Variants in ERG observed in about 807,000 individuals in gnomAD.
ERG encodes ETS transcription factor ERG.
A neutral mutation model predicts 55.3 loss-of-function variants in ERG; 9 were observed. That is an observed-to-expected ratio of 0.16 (90% confidence interval 0.10 to 0.28). ERG has a LOEUF of 0.28. Among genes scored for constraint, ERG ranks in the 10% least tolerant of loss-of-function variants. The pLI is 1.00. For synonymous variants in ERG, 223 were observed against 237.3 expected, an observed-to-expected ratio of 0.94 and a Z score of 0.55; for missense variants, 434 against 631.6, an observed-to-expected ratio of 0.69 and a Z score of 3.35.
chr21:38,585,104 G>T (rs1295411213), upstream of ERG, among the ~76,000 whole-genome samples: 1 of 152,122 alleles, frequency 6.6e-6, no homozygotes, highest in African/African-American at 2.4e-5. Flanking sequence ...AAAAAGAGGG[G>T]ACAACATTCC....
At chr21:38,599,282 A>C (rs2146907939) in intron 1 of ERG, among the ~76,000 whole-genome samples, 1 of 152,124 alleles carries the variant, frequency 6.6e-6, no homozygotes, top group East Asian at 1.9e-4. Flanking sequence ...GCCCTGACAG[A>C]AAGAGGCTGG....
chr21:38,516,359 C>T (rs146982551), intron 2 of ERG, among the ~76,000 whole-genome samples: 336 of 151,660 alleles, frequency 2.2e-3, no homozygotes, highest in African/African-American at 7.7e-3. Context: ...GAAGAAAATC[C>T]CATTTACAAT....
intron 2 of ERG, among the ~76,000 whole-genome samples, chr21:38,566,377 G>A (rs751646081): frequency 2.0e-5 from 3 of 152,274 alleles, no homozygotes; most frequent in African/African-American, 4.8e-5. Context: ...GTCCTACAAC[G>A]AGGATAATGA....
At chr21:38,586,191 ATATATATATATATATATATATATATAT>A (rs918277157), upstream of ERG, among the ~76,000 whole-genome samples, 9 of 278 alleles carry the variant, frequency 0.032, no homozygotes, top group Admixed American at 0.056. Context: ...ATATATATAT[ATATATATATATATATATATATATATAT>A]ATATATATAT....
intron 2 of ERG, among the ~76,000 whole-genome samples, chr21:38,563,633 T>C (rs2059905848): frequency 6.6e-6 from 1 of 152,230 alleles, no homozygotes; most frequent in African/African-American, 2.4e-5. Context: ...ACAAAGTCCC[T>C]GAATCACTCT....
Position 38,381,624 on chromosome 21 carries a change from A to T in ERG, c.*1779T>A. ...ACGCTTTATTTGCCAGTAATAATAC[A>T]GTTTGCCTTACGAGTGGTAGCTTGT... On this transcript the variant is annotated 3_prime_UTR_variant, in exon 10 of 10. Coordinates refer to ENST00000288319, the MANE Select transcript of ERG (RefSeq NM_182918.4). 1 of 1,063,442 alleles carries T rather than the reference A, an allele frequency of 9.4e-7. No homozygotes were observed. Among genetic ancestry groups the T allele is most frequent in the Non-Finnish European group, 1.1e-6 (1 of 878,116 alleles). The allele number at this position is 1,063,442 out of a possible 1,614,324, so 65.9% of individuals were successfully genotyped here.
At chr21:38,649,642 C>G (rs2836595) in intron 1 of ERG, among the ~76,000 whole-genome samples, 9,126 of 152,190 alleles carry the variant, frequency 0.06, 904 homozygotes, top group African/African-American at 0.21. Flanking sequence ...TACTCTGATA[C>G]GAAACTGCAA....
chr21:38,499,902 AAG>A (rs2059408636), upstream of ERG, among the ~76,000 whole-genome samples: 1 of 151,922 alleles, frequency 6.6e-6, no homozygotes, highest in African/African-American at 2.4e-5. Context: ...AAAGAAAAGA[AAG>A]AGAGTATATT....
intron 3 of ERG, 26 bp downstream of exon 3, chr21:38,423,384 G>C: frequency 6.2e-7 from 1 of 1,602,258 alleles, no homozygotes; most frequent in Non-Finnish European, 8.5e-7. Flanking sequence ...GATCTGCCGA[G>C]GGCAGTGAAG....
chr21:38,547,333 G>A (rs1049582661), intron 2 of ERG, among the ~76,000 whole-genome samples: 4 of 152,214 alleles, frequency 2.6e-5, no homozygotes, highest in Admixed American at 1.3e-4. Context: ...TGCATTCTGT[G>A]TTGCTCAACA....
intron 2 of ERG, among the ~76,000 whole-genome samples, chr21:38,536,863 A>G (rs190718476): frequency 3.3e-4 from 51 of 152,356 alleles, no homozygotes; most frequent in African/African-American, 1.2e-3. Context: ...TGAACTAAAT[A>G]GATAAATTTA....
intron 2 of ERG, among the ~76,000 whole-genome samples, chr21:38,434,854 A>C (rs1990379186): frequency 6.6e-6 from 1 of 152,192 alleles, no homozygotes; most frequent in African/African-American, 2.4e-5. Context: ...TGTGGGTGTA[A>C]ATGTGAGGCT....
At chr21:38,541,841 C>G (rs546607320) in intron 2 of ERG, among the ~76,000 whole-genome samples, 1 of 152,228 alleles carries the variant, frequency 6.6e-6, no homozygotes, top group African/African-American at 2.4e-5. Context: ...TTGATAGGTG[C>G]AGGGAACCAC....
At chr21:38,597,563 G>A (rs2060139659) in intron 1 of ERG, among the ~76,000 whole-genome samples, 1 of 151,886 alleles carries the variant, frequency 6.6e-6, no homozygotes, top group Non-Finnish European at 1.5e-5. Flanking sequence ...GGATCTTTCT[G>A]GAGCACCCTG....
In ERG at chr21:38,463,879, T is replaced by G. The variant is rs569275531; in HGVS notation, c.19-18258A>C. On this transcript the variant is annotated intron_variant, in intron 1 of 9. Transcript: ENST00000288319. The stretch of plus-strand genomic sequence containing the variant: ...GTCTGCACGTAATCCAGGCTTTGTA[T>G]TCCCACTTCCCGTATCCCCTCACTC... Among the ~76,000 whole-genome samples the G allele has an allele frequency of 3.3e-5, 5 of 152,318 alleles. No homozygotes were observed. In the East Asian group the frequency reaches 9.6e-4, roughly 29 times the overall value.
At chr21:38,483,022 T>C (rs1049733599) in intron 1 of ERG, among the ~76,000 whole-genome samples, 1 of 152,182 alleles carries the variant, frequency 6.6e-6, no homozygotes, top group African/African-American at 2.4e-5. Flanking sequence ...ACATTATGGA[T>C]GAATCTGGAG....
chr21:38,604,251 CAA>C (rs397972884), intron 1 of ERG, among the ~76,000 whole-genome samples: 7,067 of 94,042 alleles, frequency 0.075, 520 homozygotes, highest in African/African-American at 0.23. Context: ...GAGACTCCGT[CAA>C]AAAAAAAAAA....
chr21:38,370,939 A>G, the ERG span, among the ~76,000 whole-genome samples: 2 of 151,966 alleles, frequency 1.3e-5, no homozygotes, highest in Non-Finnish European at 2.9e-5. Flanking sequence ...CTTGTAAAAA[A>G]AAAAATGTAC....
At chr21:38,488,322 G>A (rs940778127) in intron 1 of ERG, among the ~76,000 whole-genome samples, 1 of 152,168 alleles carries the variant, frequency 6.6e-6, no homozygotes, top group Admixed American at 6.5e-5. Context: ...GTGGGTTTCC[G>A]TGTGTACAGT....
Sources: allele counts gnomAD v4.1 joint callset (sites outside exome capture counted in the v4.1 genomes callset), GRCh38; gene constraint gnomAD v4.1.1; transcripts MANE v1.5; gene names NCBI Gene and HGNC (gene_info 2026-07-23, HGNC 2026-07-21).